GRIPAP1: variants seen among roughly 807,000 people sequenced by gnomAD.
GRIPAP1 encodes GRIP1 associated protein 1.
A neutral mutation model predicts 84.1 loss-of-function variants in GRIPAP1; 14 were observed. The ratio of observed to expected loss-of-function variants is 0.17; its 90% confidence interval spans 0.11 to 0.26. The LOEUF (loss-of-function observed/expected upper bound fraction) is 0.26, where lower values mean the gene tolerates loss of function less well. Among genes scored for constraint, GRIPAP1 ranks in the 10% least tolerant of loss-of-function variants. GRIPAP1 has a pLI of 1.00. For missense variants in GRIPAP1, 518 were observed against 674.2 expected (o/e 0.77, Z 2.57); for synonymous variants, 261 against 256.8 (o/e 1.02, Z -0.15).
At chrX:48,982,621 C>T (rs2064463847) in intron 17 of GRIPAP1, among the ~76,000 whole-genome samples, 1 of 112,590 alleles carries the variant, frequency 8.9e-6, no homozygotes, top group African/African-American at 3.2e-5. Flanking sequence ...AGTGATCCGC[C>T]CACCTCGGCC....
chrX:48,999,280 C>G lies in GRIPAP1; in HGVS notation c.129G>C (p.Gln43His). The part of the protein sequence containing the change: ...KNGVELTSLR[Q>H]KVAYLDKEFS... The stretch of plus-strand genomic sequence containing the variant: ...ACTCCTTATCCAAGTAGGCGACCTT[C>G]TGTCGAAGACTGGTGAGTTCTGGTG... Residue 43 changes from glutamine to histidine, a missense_variant, in exon 3 of 26, where the codon CAG becomes CAC. Around this residue, in one of 5 missense-constraint regions of GRIPAP1, gnomAD observed 372 missense variants for 458.1 expected, o/e 0.81. Coordinates refer to ENST00000376423, the MANE Select transcript of GRIPAP1 (RefSeq NM_020137.5). 8.3e-7 allele frequency: 1 copy of G among 1,208,385 alleles called. No homozygotes were observed. Among genetic ancestry groups the G allele is most frequent in the Non-Finnish European group, 1.1e-6 (1 of 892,699 alleles).
chrX:48,984,781 G>A (rs1164888767), intron 14 of GRIPAP1, among the ~76,000 whole-genome samples: 1 of 103,918 alleles, frequency 9.6e-6, no homozygotes, highest in Non-Finnish European at 1.9e-5. Context: ...CCAGCACTTC[G>A]GGAGGCCGAG....
In GRIPAP1 at chrX:48,978,411, T is replaced by G. The variant is rs782118775; in HGVS notation, c.1955A>C (p.Glu652Ala). The change falls in exon 22 of 26, where the codon GAG becomes GCG. Residue 652 changes from glutamate (E) to alanine (A), a missense_variant. This residue lies in a region of GRIPAP1 where 66 missense variants were observed against 65.2 expected (regional missense o/e 1.01). Coordinates refer to ENST00000376423, the MANE Select transcript of GRIPAP1 (RefSeq NM_020137.5). ...CTGGGTCCGGCTTGGTGAGTTCATC[T>G]CTGAGAGAACCAGCTCCTCAAGGCC... Reference protein sequence around the residue: ...RSGLEELVLSEMNSPSRTQTG... With the variant: ...RSGLEELVLSAMNSPSRTQTG... 2 of 1,204,504 alleles carry G rather than the reference T, an allele frequency of 1.7e-6. No homozygotes were observed. Among genetic ancestry groups the G allele is most frequent in the East Asian group, 5.9e-5 (2 of 33,654 alleles).
intron 5 of GRIPAP1, 73 bp from the exon 6 acceptor site, chrX:48,993,651 G>T: frequency 1.3e-6 from 1 of 786,396 alleles, no homozygotes. Flanking sequence ...CATAGCATTT[G>T]TCCATGTACT....
chrX:48,980,568 AAG>A (rs1340842809), intron 21 of GRIPAP1, among the ~76,000 whole-genome samples: 1 of 108,456 alleles, frequency 9.2e-6, no homozygotes, highest in African/African-American at 3.4e-5. Context: ...GAGTGGCGGG[AAG>A]AGATAAAGGG....
At chrX:48,987,954 GACACACAC>G (rs781921365) in intron 12 of GRIPAP1, 77 bp from the exon 13 acceptor site, 7,556 of 346,207 alleles carry the variant, frequency 0.022, 5 homozygotes, top group South Asian at 0.033. Flanking sequence ...AGAAAGAAAG[GACACACAC>G]ACACACACAC....
At chrX:48,990,090 A>T in intron 8 of GRIPAP1, 87 bp from the exon 9 acceptor site, 1 of 815,217 alleles carries the variant, frequency 1.2e-6, no homozygotes, top group Non-Finnish European at 1.7e-6. Context: ...CTTCTTATTA[A>T]GTCATTTTTG....
intron 11 of GRIPAP1, among the ~76,000 whole-genome samples, 194 bp downstream of exon 11, chrX:48,989,417 T>TA (rs1557064812): frequency 9.0e-6 from 1 of 111,078 alleles, no homozygotes; most frequent in Admixed American, 9.6e-5. Flanking sequence ...CCTGAGATCT[T>TA]ACACTCATGA....
rs782168034 is a variant in GRIPAP1 at position 48,997,262 on chromosome X, G to A, written c.294C>T (p.Ala98=). Residue 98 remains alanine, a synonymous_variant, in exon 5 of 26, where the codon GCC becomes GCT. Coordinates refer to ENST00000376423, the MANE Select transcript of GRIPAP1 (RefSeq NM_020137.5). Reference sequence around the variant, plus strand: ...CAGGCACCAGCACCTTGCTGAACTCGGCCATTAGTGTGCTGTTCTGCAAAC... The same window carrying A: ...CAGGCACCAGCACCTTGCTGAACTCAGCCATTAGTGTGCTGTTCTGCAAAC... ...DFRLQNSTLM[A]EFSKLCSQME... 8.8e-7 allele frequency: 1 copy of A among 1,137,854 alleles called. No homozygotes were observed. The highest frequency in any genetic ancestry group is 1.9e-5 in the South Asian group (1 of 53,278). 93.8% of individuals were successfully genotyped at this position (1,137,854 alleles called of 1,213,427 possible).
At chrX:48,987,930 C>T in intron 12 of GRIPAP1, 53 bp from the exon 13 acceptor site, 1 of 798,854 alleles carries the variant, frequency 1.3e-6, no homozygotes. Context: ...GGGGACAGGA[C>T]CTACCCACGA....
chrX:49,001,953 C>T (rs954440936), intron 1 of GRIPAP1, among the ~76,000 whole-genome samples: 1 of 110,968 alleles, frequency 9.0e-6, no homozygotes. Context: ...AAGGTACCGC[C>T]TACTTAATGG....
At chrX:48,997,651 T>A (rs1227170570) in intron 4 of GRIPAP1, among the ~76,000 whole-genome samples, 1 of 86,929 alleles carries the variant, frequency 1.2e-5, no homozygotes, top group Non-Finnish European at 2.3e-5. Context: ...GGGGGAGAGA[T>A]AGAAAAGGGG....
intron 22 of GRIPAP1, 168 bp downstream of exon 22, chrX:48,978,137 C>T (rs2064432759): frequency 2.1e-6 from 1 of 467,709 alleles, no homozygotes; most frequent in African/African-American, 2.4e-5. Context: ...GCCTGTCCTG[C>T]ATGTCGCAAT....
At chrX:48,981,737 T>A (rs1557062280) in intron 18 of GRIPAP1, 46 bp from the exon 19 acceptor site, 1 of 1,157,470 alleles carries the variant, frequency 8.6e-7, no homozygotes, top group Non-Finnish European at 1.2e-6. Flanking sequence ...GAAGCCTCTG[T>A]CCTCCCAGGA....
At position 48,997,485 on chromosome X, in the gene GRIPAP1, T is replaced by C; in HGVS notation, c.199-128A>G. 6.4e-6 allele frequency: 3 copies of C among 467,831 alleles called. No individual in the cohort carries two copies. The Admixed American group carries it at 9.3e-5, about 15-fold the overall frequency. The allele number at this position is 467,831 out of a possible 1,213,427, so 38.6% of individuals were successfully genotyped here. The stretch of plus-strand genomic sequence containing the variant: ...ACATAGGGTACAGAGAATGAGGTGA[T>C]ATAGGAGAAAGAGACATGGGGAGGG... On this transcript the variant is annotated intron_variant, in intron 4 of 25. Coordinates refer to ENST00000376423, the MANE Select transcript of GRIPAP1 (RefSeq NM_020137.5).
intron 24 of GRIPAP1, chrX:48,975,606 A>G (rs1449886730): frequency 9.0e-6 from 3 of 333,536 alleles, no homozygotes; most frequent in South Asian, 7.5e-5. Flanking sequence ...TGATTAATAA[A>G]GAAAAATCTG....
At chrX:48,987,954 GACACAC>G (rs781921365) in intron 12 of GRIPAP1, 77 bp from the exon 13 acceptor site, 29,939 of 338,772 alleles carry the variant, frequency 0.088, 352 homozygotes, top group Admixed American at 0.11. Flanking sequence ...AGAAAGAAAG[GACACAC>G]ACACACACAC....
At chrX:48,992,974 C>A (rs1421019633) in intron 6 of GRIPAP1, among the ~76,000 whole-genome samples, 1 of 110,887 alleles carries the variant, frequency 9.0e-6, no homozygotes, top group Non-Finnish European at 1.9e-5. Flanking sequence ...GCGCCCGCCA[C>A]CGTGCCCGGC....
chrX:48,997,274 G>A lies in GRIPAP1; in HGVS notation c.282C>T (p.Ser94=). The stretch of plus-strand genomic sequence containing the variant: ...CCTTGCTGAACTCGGCCATTAGTGT[G>A]CTGTTCTGCAAACGGAAGTCCTCCT... The part of the protein sequence containing the change: ...SQEEDFRLQN[S]TLMAEFSKLC... Residue 94 remains serine (S), a synonymous_variant, in exon 5 of 26, where the codon AGC becomes AGT. Transcript: ENST00000376423. 1 of 1,168,090 alleles carries A rather than the reference G, an allele frequency of 8.6e-7. No homozygotes were observed.
Sources: gnomAD v4.1 joint callset for allele counts (sites outside exome capture counted in the v4.1 genomes callset) on GRCh38, gnomAD v4.1.1 for gene constraint, gnomAD v4.1.1 regional missense constraint, MANE v1.5 for transcripts, NCBI Gene and HGNC (gene_info 2026-07-23, HGNC 2026-07-21) for gene names.